The following ZNF521 variants were observed in gnomAD, a reference collection of about 807,000 sequenced individuals.
ZNF521 encodes LYST-interacting protein 3.
A neutral mutation model predicts 105.5 loss-of-function variants in ZNF521; 14 were observed. That is an observed-to-expected ratio of 0.13 (90% CI 0.09 to 0.21). ZNF521 has a LOEUF of 0.21. Among genes scored for constraint, ZNF521 ranks in the 10% least tolerant of loss-of-function variants. ZNF521 has a pLI of 1.00. For missense variants in ZNF521, 1,233 were observed against 1,629.7 expected, an observed-to-expected ratio of 0.76 and a Z score of 4.19; for synonymous variants, 635 against 606.0, an observed-to-expected ratio of 1.05 and a Z score of -0.70.
Position 25,246,037 on chromosome 18 carries a change from C to T in ZNF521, c.221-18340G>A, listed in dbSNP as rs182777012. 9.2e-5 allele frequency among the ~76,000 whole-genome samples: 14 copies of T among 151,840 alleles called. No individual in the cohort carries two copies. In the East Asian group the frequency reaches 2.1e-3, roughly 23 times the overall value. ...AAAGAAAACAGCCAAACATGCTAAC[C>T]GATTGCGCCACAGGAACATCACACA... On this transcript the variant is annotated intron_variant, in intron 3 of 7. Transcript: ENST00000361524.
At chr18:25,248,632 A>G (rs1907898605) in intron 3 of ZNF521, among the ~76,000 whole-genome samples, 1 of 152,214 alleles carries the variant, frequency 6.6e-6, no homozygotes, top group African/African-American at 2.4e-5. Context: ...CTTTATCTAG[A>G]TAAAGAACCT....
In ZNF521 at chr18:25,226,580, C is replaced by T. The variant is rs754305627; in HGVS notation, c.1338G>A (p.Leu446=). 4 of 1,614,142 alleles carry T rather than the reference C, an allele frequency of 2.5e-6. No homozygotes were observed. The South Asian group carries it at 3.3e-5, about 13-fold the overall frequency. The change falls in exon 4 of 8, where the codon CTG becomes CTA. Residue 446 remains leucine, a synonymous_variant. Transcript: ENST00000361524. The surrounding 1 kb of genome is among the most constrained non-coding windows in gnomAD (Gnocchi z 4.1). ...AHICQYCLEV[L]PSLYNLNEHL... ...GTTCATTTAGGTTATAGAGTGAGGG[C>T]AGGACCTCCAAGCAATACTGACAAA... is the stretch of plus-strand genomic sequence containing the variant.
chr18:25,087,503 G>A (rs1022985239), intron 7 of ZNF521, among the ~76,000 whole-genome samples: 3 of 152,118 alleles, frequency 2.0e-5, no homozygotes, highest in Non-Finnish European at 4.4e-5. Flanking sequence ...ACACTAGGTA[G>A]GAATCAGTCT....
chr18:25,291,479 G>C (rs45557840), intron 3 of ZNF521, among the ~76,000 whole-genome samples: 75,649 of 151,952 alleles, frequency 0.5, 18,975 homozygotes, highest in Middle Eastern at 0.6. Context: ...AGCTACATAA[G>C]AGTAAGTAAT....
intron 5 of ZNF521, among the ~76,000 whole-genome samples, chr18:25,139,721 T>C (rs933032537): frequency 1.3e-5 from 2 of 152,192 alleles, no homozygotes; most frequent in African/African-American, 4.8e-5. Flanking sequence ...AATCTACAAG[T>C]GCTCTGTGTT....
chr18:25,210,624 T>G (rs1240581790), intron 4 of ZNF521, among the ~76,000 whole-genome samples: 1 of 152,198 alleles, frequency 6.6e-6, no homozygotes, highest in Non-Finnish European at 1.5e-5. Context: ...TATTATTTAG[T>G]TTTTAGAGAA....
At chr18:25,313,851 T>C (rs1912459218) in intron 3 of ZNF521, among the ~76,000 whole-genome samples, 1 of 152,094 alleles carries the variant, frequency 6.6e-6, no homozygotes, top group East Asian at 1.9e-4. Flanking sequence ...ATGGAATCTA[T>C]GGAGGCCATG....
intron 7 of ZNF521, among the ~76,000 whole-genome samples, chr18:25,072,880 C>T (rs535550882): frequency 3.2e-4 from 48 of 152,284 alleles, no homozygotes; most frequent in Middle Eastern, 6.8e-3. Context: ...AATTTTTTCC[C>T]CTGTAATGTT....
intron 2 of ZNF521, among the ~76,000 whole-genome samples, chr18:25,326,194 T>A (rs763393863): frequency 4.6e-5 from 7 of 152,238 alleles, no homozygotes; most frequent in Non-Finnish European, 1.0e-4. Flanking sequence ...TGGCAAAGAC[T>A]ATCTGTATTC....
chr18:25,312,211 T>C (rs189845265), intron 3 of ZNF521, among the ~76,000 whole-genome samples: 180 of 152,306 alleles, frequency 1.2e-3, no homozygotes, highest in African/African-American at 4.1e-3. Flanking sequence ...TAATAGATCA[T>C]CACTTATACT....
At chr18:25,187,429 T>G (rs2035745701) in intron 5 of ZNF521, among the ~76,000 whole-genome samples, 7 of 152,162 alleles carry the variant, frequency 4.6e-5, no homozygotes, top group Admixed American at 3.9e-4. Flanking sequence ...TCAGAGTTTT[T>G]TTTTTTTAAT....
chr18:25,274,165 TTGATCCTGG>T (rs1340450485), intron 3 of ZNF521, among the ~76,000 whole-genome samples: 1 of 152,190 alleles, frequency 6.6e-6, no homozygotes, highest in East Asian at 1.9e-4. Context: ...ATAAGAATTA[TTGATCCTGG>T]AATGAGGAGA....
At chr18:25,263,248 G>A (rs1401820542) in intron 3 of ZNF521, among the ~76,000 whole-genome samples, 5 of 151,924 alleles carry the variant, frequency 3.3e-5, no homozygotes, top group Admixed American at 6.6e-5. Flanking sequence ...TGGCACGTGG[G>A]AGACACTAAT....
intron 5 of ZNF521, among the ~76,000 whole-genome samples, chr18:25,158,611 A>G (rs2035192215): frequency 1.3e-5 from 2 of 152,174 alleles, no homozygotes; most frequent in Non-Finnish European, 2.9e-5. Flanking sequence ...TGAGGATGCT[A>G]AAGAACACAG....
At chr18:25,214,522 T>C (rs1044491411) in intron 4 of ZNF521, among the ~76,000 whole-genome samples, 1 of 152,170 alleles carries the variant, frequency 6.6e-6, no homozygotes, top group African/African-American at 2.4e-5. Flanking sequence ...TTTTCTAAAG[T>C]ATATTTTCTA....
At chr18:25,211,004 C>T (rs1031937693) in intron 4 of ZNF521, among the ~76,000 whole-genome samples, 3 of 152,176 alleles carry the variant, frequency 2.0e-5, no homozygotes, top group African/African-American at 4.8e-5. Flanking sequence ...ATTGAAGTAC[C>T]AGATGAGGAA....
intron 5 of ZNF521, among the ~76,000 whole-genome samples, chr18:25,155,575 C>A (rs1485609191): frequency 1.3e-5 from 2 of 151,884 alleles, no homozygotes; most frequent in African/African-American, 2.4e-5. Context: ...GTCTTTTATC[C>A]ATTTTGAGTT....
chr18:25,281,022 T>C (rs2144987164), intron 3 of ZNF521, among the ~76,000 whole-genome samples: 1 of 152,320 alleles, frequency 6.6e-6, no homozygotes, highest in South Asian at 2.1e-4. Context: ...ACACCTGTCT[T>C]GCCCTCATTT....
intron 4 of ZNF521, among the ~76,000 whole-genome samples, chr18:25,215,572 T>C (rs971886045): frequency 2.6e-5 from 4 of 152,236 alleles, no homozygotes; most frequent in African/African-American, 7.2e-5. Context: ...TCCTTTGGCC[T>C]AGTACCAAAA....
Sources: allele counts gnomAD v4.1 joint callset (sites outside exome capture counted in the v4.1 genomes callset), GRCh38; gene constraint gnomAD v4.1.1; non-coding constraint Gnocchi (gnomAD v3.1); transcripts MANE v1.5; gene names NCBI Gene and HGNC (gene_info 2026-07-23, HGNC 2026-07-21).